The following INSL6 variants were observed in gnomAD, a reference collection of about 807,000 sequenced individuals.
INSL6 encodes insulin-like peptide INSL6.
In INSL6, 16 loss-of-function variants were observed where a neutral mutation model predicts 9.4. The ratio of observed to expected loss-of-function variants is 1.70; its 90% CI spans 1.15 to 2.59. The LOEUF (loss-of-function observed/expected upper bound fraction) is 2.59. Among genes scored for constraint, INSL6 ranks in the 30% most tolerant of loss-of-function variants. INSL6 has a pLI of 0.00. For missense variants in INSL6, 391 were observed against 257.3 expected (o/e 1.52, Z -3.56); for synonymous variants, 154 against 96.9 (o/e 1.59, Z -3.46).
chr9:5,070,079 CTTTT>C, the INSL6 span: 2 of 1,517,770 alleles, frequency 1.3e-6, no homozygotes, highest in Non-Finnish European at 1.8e-6. Flanking sequence ...TCATTACTGT[CTTTT>C]TTGTCCTTTT....
At chr9:5,044,071 T>A in the INSL6 span, among the ~76,000 whole-genome samples, 128 of 152,370 alleles carry the variant, frequency 8.4e-4, no homozygotes, top group African/African-American at 2.8e-3. Flanking sequence ...TATACCAAAT[T>A]AGCATTTTCA....
At chr9:5,131,221 G>C (rs73399392) in intron 3 of INSL6, among the ~76,000 whole-genome samples, 1,543 of 152,100 alleles carry the variant, frequency 0.01, 17 homozygotes, top group African/African-American at 0.036. Context: ...TTCTTCCTCT[G>C]CTTAATAATT....
chr9:5,153,309 A>G (rs1293065937), intron 2 of INSL6, among the ~76,000 whole-genome samples: 3 of 152,192 alleles, frequency 2.0e-5, no homozygotes, highest in Non-Finnish European at 4.4e-5. Flanking sequence ...TTCTCGTGCC[A>G]GCACAGCAGT....
intron 1 of INSL6, among the ~76,000 whole-genome samples, chr9:5,180,930 T>A (rs1825438367): frequency 6.6e-6 from 1 of 152,084 alleles, no homozygotes; most frequent in Admixed American, 6.5e-5. Flanking sequence ...TTACACCCCC[T>A]CCCCTTTTGA....
At chr9:5,108,352 A>G in the INSL6 span, 1 of 152,114 alleles carries the variant, frequency 6.6e-6, no homozygotes, top group Non-Finnish European at 1.5e-5. Context: ...GAACGCCTCA[A>G]TGCAAGCTCA....
At chr9:5,003,406 T>C in the INSL6 span, among the ~76,000 whole-genome samples, 7 of 152,044 alleles carry the variant, frequency 4.6e-5, no homozygotes, top group Non-Finnish European at 1.0e-4. Flanking sequence ...AGAAATGTTT[T>C]ACAGTTTTTA....
chr9:5,053,467 CA>C, the INSL6 span, among the ~76,000 whole-genome samples: 1 of 151,988 alleles, frequency 6.6e-6, no homozygotes, highest in African/African-American at 2.4e-5. Context: ...ATTTGTAGCA[CA>C]AAAGTTTTAA....
chr9:5,158,597 G>GA (rs1375770254), intron 2 of INSL6, among the ~76,000 whole-genome samples: 1 of 151,254 alleles, frequency 6.6e-6, no homozygotes, highest in African/African-American at 2.4e-5. Context: ...AGTGTTAAAG[G>GA]AAAAAAAATC....
At chr9:5,042,929 A>G in the INSL6 span, among the ~76,000 whole-genome samples, 3 of 152,176 alleles carry the variant, frequency 2.0e-5, no homozygotes, top group African/African-American at 4.8e-5. Context: ...CCCTGCTAGG[A>G]GGGTGCTTCT....
chr9:5,004,044 G>T, the INSL6 span, among the ~76,000 whole-genome samples: 1 of 152,024 alleles, frequency 6.6e-6, no homozygotes, highest in Admixed American at 6.5e-5. Flanking sequence ...TATATATGGT[G>T]TACAACATGA....
chr9:5,051,441 G>C, the INSL6 span, among the ~76,000 whole-genome samples: 1 of 152,060 alleles, frequency 6.6e-6, no homozygotes, highest in Non-Finnish European at 1.5e-5. Flanking sequence ...GGGGGAGCCT[G>C]TTAAAATCAA....
chr9:5,143,156 T>C (rs1824535434), intron 2 of INSL6, among the ~76,000 whole-genome samples: 1 of 152,146 alleles, frequency 6.6e-6, no homozygotes, highest in Non-Finnish European at 1.5e-5. Flanking sequence ...GTTTTCTTTT[T>C]TTTGTATTTC....
At chr9:5,173,822 C>G (rs1034392764) in intron 1 of INSL6, among the ~76,000 whole-genome samples, 1 of 151,298 alleles carries the variant, frequency 6.6e-6, no homozygotes, top group African/African-American at 2.4e-5. Flanking sequence ...AACACGAGGA[C>G]AGGTCAAGAT....
the INSL6 span, among the ~76,000 whole-genome samples, chr9:5,076,811 C>A: frequency 3.3e-5 from 5 of 152,196 alleles, no homozygotes; most frequent in African/African-American, 1.2e-4. Flanking sequence ...AATTGATAAT[C>A]TTCTCAAAAG....
downstream of INSL6, among the ~76,000 whole-genome samples, chr9:5,123,686 C>T (rs1056364019): frequency 7.2e-5 from 11 of 151,862 alleles, no homozygotes; most frequent in Non-Finnish European, 1.3e-4. Flanking sequence ...AATGCTGGAT[C>T]GAATGGTAGT....
At chr9:5,184,491 T>A (rs1416691939) in intron 1 of INSL6, among the ~76,000 whole-genome samples, 1 of 152,226 alleles carries the variant, frequency 6.6e-6, no homozygotes, top group African/African-American at 2.4e-5. Flanking sequence ...AAGCATCAAG[T>A]ATAAATTCAG....
the INSL6 span, among the ~76,000 whole-genome samples, chr9:5,031,018 G>C: frequency 4.6e-5 from 7 of 152,024 alleles, 1 homozygote; most frequent in South Asian, 1.5e-3. Flanking sequence ...TAACTAACCA[G>C]GAATGGTCTT....
chr9:5,022,229 C>T, the INSL6 span: 5 of 1,564,830 alleles, frequency 3.2e-6, no homozygotes, highest in Middle Eastern at 3.3e-4. Flanking sequence ...TATTAAAAAA[C>T]AGCATTTTCC....
At chr9:4,995,000 A>G in the INSL6 span, among the ~76,000 whole-genome samples, 1 of 152,196 alleles carries the variant, frequency 6.6e-6, no homozygotes, top group East Asian at 1.9e-4. Context: ...TGCTGATTCA[A>G]AAGTGGTATA....
Sources: allele counts gnomAD v4.1 joint callset (sites outside exome capture counted in the v4.1 genomes callset), GRCh38; gene constraint gnomAD v4.1.1; transcripts MANE v1.5; gene names NCBI Gene and HGNC (gene_info 2026-07-23, HGNC 2026-07-21).